The following EXOC4 variants were observed in gnomAD, a reference collection of about 807,000 sequenced individuals.
The protein encoded by EXOC4 is exocyst complex component 4.
In EXOC4, 71 loss-of-function variants were observed where a neutral mutation model predicts 107.2. The ratio of observed to expected loss-of-function variants is 0.66; its 90% CI spans 0.55 to 0.81. The LOEUF is 0.81. Ranked by LOEUF, EXOC4 falls within the 30% of genes least tolerant of loss-of-function variation. EXOC4 has a pLI of 0.00. For missense variants in EXOC4, 1,108 were observed against 1,189.6 expected, an observed-to-expected ratio of 0.93 and a Z score of 1.01; for synonymous variants, 456 against 441.2, an observed-to-expected ratio of 1.03 and a Z score of -0.42.
chr7:133,928,631 A>G (rs1488750465), intron 13 of EXOC4, among the ~76,000 whole-genome samples: 1 of 151,656 alleles, frequency 6.6e-6, no homozygotes, highest in East Asian at 1.9e-4. Context: ...TCCTCCCCTC[A>G]CTCACAGTCT....
At chr7:133,834,494 T>A (rs1194699611) in intron 11 of EXOC4, among the ~76,000 whole-genome samples, 1 of 152,226 alleles carries the variant, frequency 6.6e-6, no homozygotes, top group Non-Finnish European at 1.5e-5. Context: ...TCGTACCCCT[T>A]TGTTCAGGTG....
intron 11 of EXOC4, among the ~76,000 whole-genome samples, chr7:133,842,345 A>G (rs1798040131): frequency 6.6e-6 from 1 of 152,164 alleles, no homozygotes; most frequent in African/African-American, 2.4e-5. Context: ...AGCCATTCTG[A>G]CTGATGTGAA....
intron 7 of EXOC4, among the ~76,000 whole-genome samples, chr7:133,389,210 A>G (rs956444619): frequency 1.6e-4 from 25 of 152,164 alleles, no homozygotes; most frequent in African/African-American, 5.8e-4. Flanking sequence ...AGGGAAAAGA[A>G]AGGCAATAGA....
At chr7:134,086,664 A>C in the EXOC4 span, among the ~76,000 whole-genome samples, 3 of 152,182 alleles carry the variant, frequency 2.0e-5, no homozygotes, top group Non-Finnish European at 2.9e-5. Context: ...GTCCTGATCC[A>C]GACCCCAAGA....
At chr7:133,617,929 C>T (rs867620919) in intron 9 of EXOC4, among the ~76,000 whole-genome samples, 6 of 151,896 alleles carry the variant, frequency 4.0e-5, no homozygotes, top group Non-Finnish European at 8.8e-5. Flanking sequence ...ACTTTCAAAC[C>T]GGGCCTTAAA....
At chr7:133,948,231 A>G (rs913500666) in intron 14 of EXOC4, among the ~76,000 whole-genome samples, 4 of 152,170 alleles carry the variant, frequency 2.6e-5, no homozygotes, top group Non-Finnish European at 5.9e-5. Flanking sequence ...ACCCTTAGAC[A>G]CTTGGGTGCT....
rs563128127 is a variant in EXOC4, at chr7:133,826,589, T to A, written c.1734+9045T>A. Among the ~76,000 whole-genome samples, 6 of 152,284 alleles carry A rather than the reference T, an allele frequency of 3.9e-5. No homozygotes were observed. In the South Asian group the frequency reaches 1.2e-3, roughly 32 times the overall value. ...AGGGCTTTATGAAGTCTTCTACATA[T>A]TGATCTGTTTCATAATTATTATTAG... On this transcript the variant is annotated intron_variant, in intron 11 of 17. Coordinates refer to ENST00000253861, the MANE Select transcript of EXOC4 (RefSeq NM_021807.4).
At chr7:134,022,798 C>A (rs765644815) in intron 17 of EXOC4, among the ~76,000 whole-genome samples, 3 of 152,340 alleles carry the variant, frequency 2.0e-5, no homozygotes, top group Non-Finnish European at 2.9e-5. Context: ...CAATTTCCTT[C>A]TGTCTGCACT....
intron 10 of EXOC4, among the ~76,000 whole-genome samples, chr7:133,792,265 A>G (rs1417780221): frequency 6.6e-6 from 1 of 152,116 alleles, no homozygotes; most frequent in East Asian, 1.9e-4. Flanking sequence ...CATCATTTAA[A>G]AATGCCTTAA....
At chr7:134,020,517 G>A (rs112052384) in intron 17 of EXOC4, among the ~76,000 whole-genome samples, 3 of 152,168 alleles carry the variant, frequency 2.0e-5, no homozygotes, top group African/African-American at 7.2e-5. Context: ...GACACACAAG[G>A]TGGTCACCAT....
intron 17 of EXOC4, among the ~76,000 whole-genome samples, chr7:134,012,792 G>A (rs959169033): frequency 2.6e-5 from 4 of 152,160 alleles, no homozygotes; most frequent in African/African-American, 4.8e-5. Flanking sequence ...CTGTTGAGAC[G>A]CTGGAGTGCT....
intron 9 of EXOC4, among the ~76,000 whole-genome samples, chr7:133,596,417 T>C (rs1801676237): frequency 6.6e-6 from 1 of 152,236 alleles, no homozygotes; most frequent in African/African-American, 2.4e-5. Flanking sequence ...TAAAATTAGA[T>C]TTTCCTGCTT....
At chr7:134,006,577 T>C (rs1794647259) in intron 16 of EXOC4, among the ~76,000 whole-genome samples, 1 of 152,096 alleles carries the variant, frequency 6.6e-6, no homozygotes. Context: ...AAGGGAAAAC[T>C]CATTTTGAAG....
At chr7:133,976,268 T>C (rs1471879993) in intron 14 of EXOC4, among the ~76,000 whole-genome samples, 1 of 151,922 alleles carries the variant, frequency 6.6e-6, no homozygotes, top group Admixed American at 6.5e-5. Context: ...TAACCTCTCT[T>C]TTGTTTCTGT....
intron 11 of EXOC4, among the ~76,000 whole-genome samples, chr7:133,834,449 G>T (rs560004711): frequency 6.6e-6 from 1 of 152,212 alleles, no homozygotes; most frequent in African/African-American, 2.4e-5. Flanking sequence ...TGAGGAAAGG[G>T]TATGGGGCAG....
At chr7:133,721,385 T>C (rs865978730) in intron 10 of EXOC4, among the ~76,000 whole-genome samples, 4 of 152,040 alleles carry the variant, frequency 2.6e-5, no homozygotes, top group Non-Finnish European at 5.9e-5. Flanking sequence ...TTGGAACCAT[T>C]AATAAGATAG....
intron 11 of EXOC4, among the ~76,000 whole-genome samples, chr7:133,884,304 A>G (rs1201880501): frequency 6.6e-6 from 1 of 152,162 alleles, no homozygotes; most frequent in Non-Finnish European, 1.5e-5. Flanking sequence ...AACATCATGC[A>G]GTTTATAGAG....
chr7:133,838,047 A>T (rs1336472259), intron 11 of EXOC4, among the ~76,000 whole-genome samples: 1 of 152,194 alleles, frequency 6.6e-6, no homozygotes, highest in Admixed American at 6.5e-5. Context: ...TGGATTTTAT[A>T]ACATGTTTAT....
intron 9 of EXOC4, among the ~76,000 whole-genome samples, chr7:133,514,243 C>T (rs1193847749): frequency 6.6e-6 from 1 of 151,974 alleles, no homozygotes; most frequent in Non-Finnish European, 1.5e-5. Context: ...CAGCTCACTG[C>T]AGCCTCCACC....
Sources: allele counts gnomAD v4.1 joint callset (sites outside exome capture counted in the v4.1 genomes callset), GRCh38; gene constraint gnomAD v4.1.1; transcripts MANE v1.5; gene names NCBI Gene and HGNC (gene_info 2026-07-23, HGNC 2026-07-21).